Variants in RYR3 observed in about 807,000 individuals in gnomAD.
RYR3 encodes the protein brain ryanodine receptor-calcium release channel.
A neutral mutation model predicts 584.3 loss-of-function variants in RYR3; 207 were observed. That is an observed-to-expected ratio of 0.35 (90% CI 0.32 to 0.40). RYR3 has a LOEUF of 0.40. Among genes scored for constraint, RYR3 ranks in the 10% least tolerant of loss-of-function variants. The pLI, the probability that RYR3 is intolerant of heterozygous loss-of-function variation, is 1.00. For synonymous variants in RYR3, 2,416 were observed against 2,248.5 expected (o/e 1.07, Z -2.11); for missense variants, 5,616 against 6,089.2 (o/e 0.92, Z 2.59).
At chr15:33,778,448 C>T (rs1291526995) in intron 64 of RYR3, among the ~76,000 whole-genome samples, 1 of 152,178 alleles carries the variant, frequency 6.6e-6, no homozygotes, top group Admixed American at 6.5e-5. Context: ...TGTAGAGGCA[C>T]TCACTATCCT....
chr15:33,809,680 C>G (rs573050526), intron 70 of RYR3, among the ~76,000 whole-genome samples: 1 of 150,646 alleles, frequency 6.6e-6, no homozygotes. Flanking sequence ...CTGTCACCCA[C>G]GCTGTAGTGC....
intron 3 of RYR3, among the ~76,000 whole-genome samples, chr15:33,527,008 C>A (rs1044499552): frequency 6.6e-6 from 1 of 152,020 alleles, no homozygotes; most frequent in African/African-American, 2.4e-5. Context: ...TGTGCAGAAG[C>A]TTTGTGGTGG....
intron 1 of RYR3, among the ~76,000 whole-genome samples, chr15:33,452,827 C>A (rs2676017): frequency 0.64 from 97,316 of 152,084 alleles, 32,433 homozygotes; most frequent in African/African-American, 0.85. Flanking sequence ...TTATATGAAA[C>A]TTAAAGTAGT....
At chr15:33,809,485 G>A (rs972883682) in intron 70 of RYR3, among the ~76,000 whole-genome samples, 8 of 152,194 alleles carry the variant, frequency 5.3e-5, no homozygotes, top group South Asian at 4.2e-4. Context: ...CTGAGTCACC[G>A]CCTTGTTTCC....
At chr15:33,709,866 G>T (rs989202724) in intron 43 of RYR3, among the ~76,000 whole-genome samples, 1 of 152,206 alleles carries the variant, frequency 6.6e-6, no homozygotes, top group Non-Finnish European at 1.5e-5. Flanking sequence ...TAAAAGGTAG[G>T]TGGTTATAAT....
At chr15:33,503,266 G>A (rs184866770) in intron 2 of RYR3, among the ~76,000 whole-genome samples, 46 of 152,162 alleles carry the variant, frequency 3.0e-4, no homozygotes, top group East Asian at 1.9e-4. Context: ...ACAGATTATC[G>A]TGGATGAAAT....
chr15:33,541,914 T>C (rs908305603), intron 7 of RYR3, among the ~76,000 whole-genome samples: 4 of 152,142 alleles, frequency 2.6e-5, no homozygotes, highest in African/African-American at 9.7e-5. Context: ...CAAGAAGCTC[T>C]GGGTTTAAGT....
chr15:33,560,155 A>G (rs1282249297), intron 10 of RYR3, among the ~76,000 whole-genome samples: 2 of 152,196 alleles, frequency 1.3e-5, no homozygotes, highest in African/African-American at 2.4e-5. Flanking sequence ...TCAAAAGAAA[A>G]TCACCAATGT....
chr15:33,854,992 T>C, intron 98 of RYR3, 80 bp downstream of exon 98: 1 of 1,342,400 alleles, frequency 7.4e-7, no homozygotes, highest in East Asian at 2.5e-5. Flanking sequence ...ATACAGTATA[T>C]GACAGGAAGG....
intron 50 of RYR3, 95 bp downstream of exon 50, chr15:33,738,685 CA>C: frequency 7.0e-7 from 1 of 1,419,656 alleles, no homozygotes; most frequent in Non-Finnish European, 9.8e-7. Flanking sequence ...TTCCATTTGC[CA>C]GGACCTGTGC....
At position 33,746,130 on chromosome 15, in the gene RYR3, A is replaced by G. The variant is rs1308257991; in HGVS notation, c.7962A>G (p.Ile2654Met). 6.3e-7 allele frequency: 1 copy of G among 1,598,554 alleles called. No homozygotes were observed. Among genetic ancestry groups the G allele is most frequent in the Non-Finnish European group, 8.5e-7 (1 of 1,172,296 alleles). Reference protein sequence around the residue: ...LDENVKTHPLIRPFKTLTEKE... With the variant: ...LDENVKTHPLMRPFKTLTEKE... ...AAAATGTGAAGACCCACCCACTGAT[A>G]AGGCCTTTCAAGACATTAACGGAGA... Residue 2654 changes from isoleucine to methionine, a missense_variant, in exon 53 of 104, where the codon ATA (isoleucine) becomes ATG (methionine). Around this residue, in one of 9 missense-constraint regions of RYR3, gnomAD observed 1,280 missense variants for 1,426.2 expected, o/e 0.90. Transcript: ENST00000634891.
chr15:33,734,688 C>CTT (rs11343337), intron 48 of RYR3, among the ~76,000 whole-genome samples: 20 of 91,852 alleles, frequency 2.2e-4, no homozygotes, highest in East Asian at 9.7e-4. Context: ...ATTTTTTTTT[C>CTT]TTTTTTTTTT....
intron 55 of RYR3, 46 bp from the exon 56 acceptor site, chr15:33,749,933 G>C: frequency 6.4e-7 from 1 of 1,566,240 alleles, no homozygotes; most frequent in Non-Finnish European, 8.7e-7. Flanking sequence ...AAGCCAGCTT[G>C]CCTGCTTTCT....
rs1296726103 is a variant in RYR3, at chr15:33,516,728, G to GA, written c.279+12993dup. On this transcript the variant is annotated intron_variant, in intron 3 of 103. Transcript: ENST00000634891. The stretch of plus-strand genomic sequence containing the variant: ...CTTACAAATCTCAGTGGGCTTCAGA[G>GA]AAAGGGGAATGCTGAGTCAGACAAT... Among the ~76,000 whole-genome samples, 3 of 152,096 alleles carry GA rather than the reference G, an allele frequency of 2.0e-5. No homozygotes were observed. The East Asian group carries it at 5.8e-4, about 29-fold the overall frequency.
intron 1 of RYR3, among the ~76,000 whole-genome samples, chr15:33,462,840 T>C (rs760388614): frequency 2.0e-5 from 3 of 152,098 alleles, no homozygotes; most frequent in Non-Finnish European, 2.9e-5. Flanking sequence ...ACATTTATGA[T>C]GGAAATATGA....
At chr15:33,327,072 G>A (rs190106525) in intron 1 of RYR3, among the ~76,000 whole-genome samples, 7 of 151,712 alleles carry the variant, frequency 4.6e-5, no homozygotes, top group African/African-American at 7.3e-5. Flanking sequence ...AAGACGAGAC[G>A]CATGTTACAT....
At chr15:33,858,173 A>G (rs2079904566) in intron 99 of RYR3, 2 of 423,380 alleles carry the variant, frequency 4.7e-6, no homozygotes, top group South Asian at 1.1e-4. Flanking sequence ...CAGTGGCGTC[A>G]TCATTCATCT....
chr15:33,660,441 G>A lies in RYR3; in HGVS notation c.4622+18G>A, dbSNP rs781490793. The A allele has an allele frequency of 5.1e-5, 77 of 1,514,978 alleles. No homozygotes were observed. Among genetic ancestry groups the A allele is most frequent in the Admixed American group, 1.2e-4 (6 of 49,412 alleles). The allele number at this position is 1,514,978 out of a possible 1,614,324, so 93.8% of individuals were successfully genotyped here. A position where few individuals can be genotyped will look rare whatever the true frequency, so the allele number is the denominator to read the frequency against. On this transcript the variant is annotated intron_variant, in intron 34 of 103. Coordinates refer to ENST00000634891, the MANE Select transcript of RYR3 (RefSeq NM_001036.6). ...GAGAACAGGTACCAGAGGGGCCCGC[G>A]AAGGAAGGGGCAGGCCTGAGGGGCA...
chr15:33,544,287 T>C (rs897041648), intron 8 of RYR3, among the ~76,000 whole-genome samples: 15 of 152,048 alleles, frequency 9.9e-5, no homozygotes, highest in African/African-American at 3.4e-4. Context: ...GGGTATTCTA[T>C]CATCAAAGGA....
Sources: allele counts gnomAD v4.1 joint callset (sites outside exome capture counted in the v4.1 genomes callset), GRCh38; gene constraint gnomAD v4.1.1; regional missense constraint gnomAD v4.1.1; transcripts MANE v1.5; gene names NCBI Gene and HGNC (gene_info 2026-07-23, HGNC 2026-07-21).